The following LUZP2 variants were observed in gnomAD, a reference collection of about 807,000 sequenced individuals.
LUZP2 encodes the protein leucine zipper protein 2.
In LUZP2, 52 loss-of-function variants were observed where a neutral mutation model predicts 51.6. The observed-to-expected ratio is 1.01, with a 90% CI of 0.81 to 1.27. LUZP2 has a LOEUF of 1.27. LUZP2 is among the 50% of genes most tolerant of loss of function. The pLI is 0.00. For synonymous variants in LUZP2, 154 were observed against 137.3 expected, an observed-to-expected ratio of 1.12 and a Z score of -0.85; for missense variants, 436 against 395.4, an observed-to-expected ratio of 1.10 and a Z score of -0.87.
chr11:24,784,081 C>T (rs1316613719), intron 5 of LUZP2, among the ~76,000 whole-genome samples: 2 of 151,850 alleles, frequency 1.3e-5, no homozygotes, highest in African/African-American at 4.8e-5. Context: ...ACTATTGATG[C>T]ATCCCTTCAT....
At chr11:25,060,314 C>G (rs1295056296) in intron 10 of LUZP2, among the ~76,000 whole-genome samples, 2 of 152,130 alleles carry the variant, frequency 1.3e-5, no homozygotes, top group Non-Finnish European at 2.9e-5. Context: ...AAGCCATCTT[C>G]TCACTGTAAT....
chr11:24,990,072 C>A (rs750552266), intron 9 of LUZP2, among the ~76,000 whole-genome samples: 15 of 152,010 alleles, frequency 9.9e-5, no homozygotes, highest in Non-Finnish European at 2.1e-4. Context: ...GGGGTCTATG[C>A]CCCCTTTCTT....
intron 9 of LUZP2, among the ~76,000 whole-genome samples, chr11:24,983,839 C>G (rs1419221150): frequency 6.8e-6 from 1 of 146,012 alleles, no homozygotes. Flanking sequence ...GAGTTAGACT[C>G]CAGTTATCAG....
At chr11:24,794,268 G>T (rs1175249242) in intron 5 of LUZP2, among the ~76,000 whole-genome samples, 1 of 152,114 alleles carries the variant, frequency 6.6e-6, no homozygotes, top group Non-Finnish European at 1.5e-5. Flanking sequence ...ATATTCTACT[G>T]ATATATTCTA....
chr11:24,972,152 A>AAAAC (rs1432155416), intron 7 of LUZP2, among the ~76,000 whole-genome samples: 2 of 151,124 alleles, frequency 1.3e-5, no homozygotes, highest in African/African-American at 2.4e-5. Context: ...AAAAAAAAAA[A>AAAAC]AAAAAAAAAA....
chr11:24,897,050 G>A (rs901513518), intron 5 of LUZP2, among the ~76,000 whole-genome samples: 2 of 152,224 alleles, frequency 1.3e-5, no homozygotes, highest in Admixed American at 1.3e-4. Flanking sequence ...CTCAAGATTT[G>A]TAAACACACC....
chr11:24,854,506 T>C (rs1351530228), intron 5 of LUZP2, among the ~76,000 whole-genome samples: 2 of 152,188 alleles, frequency 1.3e-5, no homozygotes, highest in African/African-American at 4.8e-5. Context: ...CTTCAGACTG[T>C]TGTGCTGGCA....
intron 5 of LUZP2, among the ~76,000 whole-genome samples, chr11:24,765,615 TTTTTTTC>T (rs1860157258): frequency 6.7e-6 from 1 of 148,582 alleles, no homozygotes; most frequent in South Asian, 2.1e-4. Context: ...ATTTTTTCCT[TTTTTTTC>T]TTTTTTCTTT....
chr11:24,864,216 G>A (rs891520838), intron 5 of LUZP2, among the ~76,000 whole-genome samples: 2 of 152,024 alleles, frequency 1.3e-5, no homozygotes, highest in Non-Finnish European at 2.9e-5. Context: ...ATACACACAT[G>A]TTTGAAGTTT....
At position 24,786,322 on chromosome 11, in the gene LUZP2, A is replaced by C. The variant is rs1849244430; in HGVS notation, c.396+23014A>C. On this transcript the variant is annotated intron_variant, in intron 5 of 11. Transcript: ENST00000336930. ...TATGTTTTATTATTTTACCACGGGA[A>C]AAAAGTAGTCAGAATTCATGGGCAT... 12 of 981,946 alleles carry C rather than the reference A, an allele frequency of 1.2e-5. No homozygotes were observed. In the South Asian group the frequency reaches 5.7e-4, roughly 46 times the overall value. 60.8% of individuals were successfully genotyped at this position (981,946 alleles called of 1,614,324 possible).
chr11:24,929,698 G>C (rs2133831704), intron 7 of LUZP2, among the ~76,000 whole-genome samples: 1 of 152,130 alleles, frequency 6.6e-6, no homozygotes, highest in African/African-American at 2.4e-5. Flanking sequence ...ATTCTGCAAT[G>C]GTTTGGTACA....
chr11:25,055,632 A>G (rs1858666339), intron 10 of LUZP2, among the ~76,000 whole-genome samples: 3 of 152,154 alleles, frequency 2.0e-5, no homozygotes, highest in South Asian at 2.1e-4. Flanking sequence ...TAAAGGAGAC[A>G]CATCTCTTAT....
At chr11:24,895,915 A>T (rs1853027369) in intron 5 of LUZP2, among the ~76,000 whole-genome samples, 1 of 152,178 alleles carries the variant, frequency 6.6e-6, no homozygotes, top group South Asian at 2.1e-4. Context: ...AAATCTTCAA[A>T]CTGCTTTCCA....
chr11:24,837,009 G>A (rs201725869), intron 5 of LUZP2, among the ~76,000 whole-genome samples: 17 of 134,620 alleles, frequency 1.3e-4, no homozygotes, highest in Non-Finnish European at 2.6e-4. Context: ...CTTTCAGTAG[G>A]TAATAACAAA....
intron 9 of LUZP2, among the ~76,000 whole-genome samples, chr11:24,993,607 C>CT (rs1336582977): frequency 6.6e-6 from 1 of 151,918 alleles, no homozygotes. Context: ...TATGCGATGC[C>CT]TTTTTTGTGC....
intron 7 of LUZP2, among the ~76,000 whole-genome samples, chr11:24,915,334 C>A (rs934639087): frequency 1.3e-5 from 2 of 152,040 alleles, no homozygotes; most frequent in Non-Finnish European, 2.9e-5. Context: ...CCTCAACTTA[C>A]TGACTTATTC....
chr11:24,920,824 G>T (rs569575961), intron 7 of LUZP2, among the ~76,000 whole-genome samples: 45 of 152,108 alleles, frequency 3.0e-4, no homozygotes, highest in South Asian at 2.1e-3. Context: ...TGGAAGATGA[G>T]AAATTATTTA....
intron 1 of LUZP2, among the ~76,000 whole-genome samples, chr11:24,579,104 G>C (rs557208100): frequency 6.6e-5 from 10 of 151,962 alleles, no homozygotes; most frequent in Non-Finnish European, 1.2e-4. Flanking sequence ...GATTACATAA[G>C]TTTGAAAAAG....
intron 1 of LUZP2, among the ~76,000 whole-genome samples, chr11:24,592,596 G>A (rs545801311): frequency 2.0e-5 from 3 of 151,326 alleles, no homozygotes; most frequent in African/African-American, 4.9e-5. Flanking sequence ...TATTTTCCTC[G>A]AATAGTCTTC....
Sources: gnomAD v4.1 joint callset for allele counts (sites outside exome capture counted in the v4.1 genomes callset) on GRCh38, gnomAD v4.1.1 for gene constraint, MANE v1.5 for transcripts, NCBI Gene and HGNC (gene_info 2026-07-23, HGNC 2026-07-21) for gene names.